The following DLG2 variants were observed in gnomAD, a reference collection of about 807,000 sequenced individuals.
The protein encoded by DLG2 is disks large homolog 2.
A neutral mutation model predicts 132.5 loss-of-function variants in DLG2; 45 were observed. That is an observed-to-expected ratio of 0.34 (90% confidence interval 0.27 to 0.44). DLG2 has a LOEUF of 0.44. Among genes scored for constraint, DLG2 ranks in the 20% least tolerant of loss-of-function variants. DLG2 has a pLI of 1.00. For synonymous variants in DLG2, 424 were observed against 419.6 expected (o/e 1.01, Z -0.13); for missense variants, 1,045 against 1,196.9 (o/e 0.87, Z 1.87).
chr11:84,787,938 A>AT (rs2073186323), intron 6 of DLG2, among the ~76,000 whole-genome samples: 1 of 42,544 alleles, frequency 2.4e-5, no homozygotes, highest in Non-Finnish European at 6.5e-5. Flanking sequence ...GTCTCTACTT[A>AT]CAAAAAAAAA....
chr11:83,810,349 ATGTG>A (rs972044175), intron 17 of DLG2, among the ~76,000 whole-genome samples: 2 of 151,954 alleles, frequency 1.3e-5, no homozygotes, highest in African/African-American at 2.4e-5. Context: ...GCAATTGTTT[ATGTG>A]TGTGTGTGTA....
At chr11:85,273,476 T>C (rs1204795660) in intron 4 of DLG2, among the ~76,000 whole-genome samples, 2 of 152,146 alleles carry the variant, frequency 1.3e-5, no homozygotes, top group Admixed American at 6.5e-5. Flanking sequence ...AAAGAAGACA[T>C]CTATGTAGCC....
chr11:85,527,972 CTTG>C (rs2074907143), intron 3 of DLG2, among the ~76,000 whole-genome samples: 2 of 151,258 alleles, frequency 1.3e-5, no homozygotes, highest in Non-Finnish European at 3.0e-5. Flanking sequence ...TTTGCATATG[CTTG>C]TTGTCTTCTT....
At chr11:85,509,390 G>A (rs1302719090) in intron 3 of DLG2, among the ~76,000 whole-genome samples, 1 of 151,882 alleles carries the variant, frequency 6.6e-6, no homozygotes, top group African/African-American at 2.4e-5. Flanking sequence ...TCAAAAGTTG[G>A]GCATTACTTT....
At chr11:83,686,588 A>G (rs1464682961) in intron 18 of DLG2, among the ~76,000 whole-genome samples, 2 of 147,776 alleles carry the variant, frequency 1.4e-5, no homozygotes, top group African/African-American at 5.4e-5. Flanking sequence ...GTTATATGTA[A>G]TATGTATTTA....
intron 6 of DLG2, among the ~76,000 whole-genome samples, chr11:84,788,970 A>G (rs1223408931): frequency 6.6e-6 from 1 of 152,186 alleles, no homozygotes; most frequent in Non-Finnish European, 1.5e-5. Context: ...TATCAAATAG[A>G]GTTTTTAAAT....
At chr11:83,887,064 T>C (rs551035000) in intron 15 of DLG2, among the ~76,000 whole-genome samples, 4 of 152,028 alleles carry the variant, frequency 2.6e-5, no homozygotes, top group Non-Finnish European at 5.9e-5. Context: ...CAAACACATT[T>C]GAAAGCTAGC....
intron 11 of DLG2, among the ~76,000 whole-genome samples, chr11:83,994,613 A>G (rs1466620121): frequency 6.6e-6 from 1 of 152,148 alleles, no homozygotes; most frequent in Non-Finnish European, 1.5e-5. Context: ...ACTTTAACAA[A>G]CCATGCAAGA....
chr11:83,744,185 C>T (rs2092743596), intron 18 of DLG2, among the ~76,000 whole-genome samples: 1 of 152,082 alleles, frequency 6.6e-6, no homozygotes. Flanking sequence ...ATCCTTTTCC[C>T]CTTCTCTCTA....
At chr11:83,751,135 A>T (rs538623725) in intron 18 of DLG2, among the ~76,000 whole-genome samples, 2 of 152,232 alleles carry the variant, frequency 1.3e-5, no homozygotes, top group Admixed American at 1.3e-4. Context: ...AAAAGTTCTC[A>T]TGTGGAAGCT....
At chr11:85,145,679 A>T (rs2076790500) in intron 5 of DLG2, among the ~76,000 whole-genome samples, 1 of 152,000 alleles carries the variant, frequency 6.6e-6, no homozygotes, top group Non-Finnish European at 1.5e-5. Context: ...TTGATTATTT[A>T]AAAAATTATT....
chr11:83,843,828 T>C (rs879463692), intron 16 of DLG2, among the ~76,000 whole-genome samples: 4 of 152,164 alleles, frequency 2.6e-5, no homozygotes, highest in Admixed American at 2.0e-4. Context: ...AAATTAAATA[T>C]TGAGATGCTA....
chr11:84,811,230 C>T (rs932133880), intron 6 of DLG2, among the ~76,000 whole-genome samples: 6 of 152,124 alleles, frequency 3.9e-5, no homozygotes, highest in Admixed American at 3.3e-4. Context: ...CTTCTTGTAG[C>T]TGATTCAACC....
At chr11:85,013,121 G>T (rs1471452335) in intron 6 of DLG2, among the ~76,000 whole-genome samples, 2 of 152,122 alleles carry the variant, frequency 1.3e-5, no homozygotes, top group African/African-American at 4.8e-5. Flanking sequence ...TGTTCCACAT[G>T]CTCTTGCTAA....
At chr11:85,189,512 T>C (rs2080369261) in intron 4 of DLG2, among the ~76,000 whole-genome samples, 1 of 152,210 alleles carries the variant, frequency 6.6e-6, no homozygotes. Context: ...ATATAGTGTA[T>C]GCTTCCATTT....
Position 84,521,555 on chromosome 11 carries a change from A to G in DLG2, c.519+13015T>C, listed in dbSNP as rs56749008. ...GTGATTCTATGAGGCTTCCTATTGG[A>G]TATTGCGTTATCTGATTATTTAAGG... On this transcript the variant is annotated intron_variant, in intron 7 of 27. Coordinates refer to ENST00000376104, the MANE Select transcript of DLG2 (RefSeq NM_001142699.3). 9.5e-4 allele frequency among the ~76,000 whole-genome samples: 144 copies of G among 152,250 alleles called. No homozygotes were observed. In the East Asian group the frequency reaches 0.024, roughly 25 times the overall value.
At position 85,345,119 on chromosome 11, in the gene DLG2, C is replaced by T. The variant is rs377363355; in HGVS notation, c.41-59754G>A. On this transcript the variant is annotated intron_variant, in intron 3 of 27. Transcript: ENST00000376104. ...TTGAGGGTTGAAGTACAAAAGCCAA[C>T]ACTGTGAAAATAGACCATTTCAAAT... is the stretch of plus-strand genomic sequence containing the variant. Among the ~76,000 whole-genome samples, 94 of 152,222 alleles carry T rather than the reference C, an allele frequency of 6.2e-4. 1 individual carries two copies. The South Asian group carries it at 0.019, about 31-fold the overall frequency.
At chr11:83,508,838 C>T (rs2094868252) in intron 21 of DLG2, among the ~76,000 whole-genome samples, 1 of 152,214 alleles carries the variant, frequency 6.6e-6, no homozygotes, top group Non-Finnish European at 1.5e-5. Flanking sequence ...ACTCCAAAGA[C>T]CAAACTTCAC....
chr11:84,620,974 T>C (rs1029310168), intron 6 of DLG2, among the ~76,000 whole-genome samples: 7 of 152,038 alleles, frequency 4.6e-5, no homozygotes, highest in Non-Finnish European at 2.9e-5. Flanking sequence ...AATGAATAAA[T>C]ATTATCCCAG....
Sources: gnomAD v4.1 joint callset for allele counts (sites outside exome capture counted in the v4.1 genomes callset) on GRCh38, gnomAD v4.1.1 for gene constraint, MANE v1.5 for transcripts, NCBI Gene and HGNC (gene_info 2026-07-23, HGNC 2026-07-21) for gene names.